The following SCAI variants were observed in gnomAD, a reference collection of about 807,000 sequenced individuals.
SCAI encodes suppressor of cancer cell invasion.
In SCAI, 24 loss-of-function variants were observed where a neutral mutation model predicts 92.2. The observed-to-expected ratio is 0.26, with a 90% CI of 0.19 to 0.37. The LOEUF is 0.37. Ranked by LOEUF, SCAI falls within the 10% of genes least tolerant of loss-of-function variation. SCAI has a pLI of 1.00. For synonymous variants in SCAI, 261 were observed against 258.6 expected (o/e 1.01, Z -0.09); for missense variants, 450 against 736.2 (o/e 0.61, Z 4.50).
chr9:125,045,187 A>G (rs1833409703), intron 3 of SCAI, among the ~76,000 whole-genome samples: 1 of 151,918 alleles, frequency 6.6e-6, no homozygotes, highest in Non-Finnish European at 1.5e-5. Context: ...ATAACACCCT[A>G]AGGATCCTGT....
rs774919233 is a variant in SCAI at position 125,026,887 on chromosome 9, T to C, written c.437A>G (p.Tyr146Cys). ...HYYLRTSETS[Y>C]LNEAFSFYSA... ...ATAGAAGGAAAAAGCCTCATTCAGA[T>C]AGCTGGTTTCCGATGTGCGTAAGCT... is the stretch of plus-strand genomic sequence containing the variant. The change falls in exon 6 of 18, where the codon TAT becomes TGT. Residue 146 changes from tyrosine (Y) to cysteine (C), a missense_variant. Physicochemically the swap from Tyr to Cys is radical, Grantham distance 194. Around this residue, in one of 3 missense-constraint regions of SCAI, gnomAD observed 360 missense variants for 601.8 expected, o/e 0.60. Coordinates refer to ENST00000336505, the MANE Select transcript of SCAI (RefSeq NM_001144877.3). 2 of 1,606,194 alleles carry C rather than the reference T, an allele frequency of 1.2e-6. No homozygotes were observed. Among genetic ancestry groups the C allele is most frequent in the Non-Finnish European group, 1.7e-6 (2 of 1,173,896 alleles).
At chr9:125,014,363 C>T (rs1229062622) in intron 9 of SCAI, among the ~76,000 whole-genome samples, 1 of 152,190 alleles carries the variant, frequency 6.6e-6, no homozygotes, top group Non-Finnish European at 1.5e-5. Flanking sequence ...GTACAAAAAT[C>T]ACAAGCATTC....
intron 2 of SCAI, among the ~76,000 whole-genome samples, chr9:125,084,125 A>G (rs1455291990): frequency 6.9e-6 from 1 of 144,938 alleles, no homozygotes; most frequent in African/African-American, 2.6e-5. Context: ...CCCCTCACAA[A>G]TTAGTTAATA....
rs1388869763 is a variant in SCAI, at chr9:125,017,536, T to G, written c.861+1263A>C. Among the ~76,000 whole-genome samples, 3 of 152,080 alleles carry G rather than the reference T, an allele frequency of 2.0e-5. No homozygotes were observed. The East Asian group carries it at 5.8e-4, about 29-fold the overall frequency. The stretch of plus-strand genomic sequence containing the variant: ...CAGAAAAATTTAACAATAACAAAAG[T>G]GATTGATAGATGCTAGGATAGGATC... On this transcript the variant is annotated intron_variant, in intron 9 of 17. Coordinates refer to ENST00000336505, the MANE Select transcript of SCAI (RefSeq NM_001144877.3).
intron 9 of SCAI, among the ~76,000 whole-genome samples, chr9:125,014,103 C>T (rs1446389868): frequency 6.6e-6 from 1 of 152,078 alleles, no homozygotes; most frequent in Non-Finnish European, 1.5e-5. Flanking sequence ...GGAAGCATTC[C>T]CTTTGAAAAC....
intron 14 of SCAI, among the ~76,000 whole-genome samples, chr9:124,983,221 CTTCTT>C (rs952877161): frequency 1.3e-5 from 2 of 151,698 alleles, no homozygotes; most frequent in Admixed American, 6.6e-5. Flanking sequence ...TTAAAGATCT[CTTCTT>C]CTCTTCTTCA....
intron 17 of SCAI, among the ~76,000 whole-genome samples, chr9:124,961,390 C>T (rs1051318542): frequency 6.6e-6 from 1 of 152,070 alleles, no homozygotes; most frequent in Non-Finnish European, 1.5e-5. Flanking sequence ...TGGCTCATCC[C>T]TGTAATCCTA....
chr9:125,061,515 T>G (rs1358133690), intron 2 of SCAI, among the ~76,000 whole-genome samples: 1 of 152,170 alleles, frequency 6.6e-6, no homozygotes, highest in African/African-American at 2.4e-5. Context: ...ATCCCAACAC[T>G]TTGGAGGCTG....
chr9:125,072,004 A>G (rs1368035012), intron 2 of SCAI, among the ~76,000 whole-genome samples: 1 of 151,732 alleles, frequency 6.6e-6, no homozygotes, highest in Non-Finnish European at 1.5e-5. Context: ...TAAAGAGGGC[A>G]AGAGACAGGG....
At chr9:125,054,183 C>T (rs188668328) in intron 3 of SCAI, among the ~76,000 whole-genome samples, 1 of 152,280 alleles carries the variant, frequency 6.6e-6, no homozygotes, top group East Asian at 1.9e-4. Flanking sequence ...CCATGTTGCC[C>T]AGGCTGATCT....
At chr9:125,063,777 G>C (rs1833823296) in intron 2 of SCAI, among the ~76,000 whole-genome samples, 1 of 146,954 alleles carries the variant, frequency 6.8e-6, no homozygotes, top group Admixed American at 6.9e-5. Flanking sequence ...TTTTGAGACA[G>C]AGTTTCACTC....
chr9:125,023,113 T>A (rs1159617288), intron 6 of SCAI, among the ~76,000 whole-genome samples: 1 of 152,230 alleles, frequency 6.6e-6, no homozygotes, highest in Non-Finnish European at 1.5e-5. Context: ...ATAATGTCAA[T>A]CAGCCATTGT....
At position 125,002,811 on chromosome 9, in the gene SCAI, T is replaced by C. The variant is rs373549088; in HGVS notation, c.1065+303A>G. Among the ~76,000 whole-genome samples the C allele has an allele frequency of 7.2e-5, 11 of 151,792 alleles. No individual in the cohort carries two copies. In the East Asian group the frequency reaches 1.2e-3, roughly 16 times the overall value. On this transcript the variant is annotated intron_variant, in intron 11 of 17. Transcript: ENST00000336505. ...TTCTGCATTGTTACACCTAAAATCA[T>C]TGAGTAATAAAAAACTGGAGGAAGG...
intron 2 of SCAI, among the ~76,000 whole-genome samples, chr9:125,107,514 C>G (rs2131224017): frequency 6.6e-6 from 1 of 152,260 alleles, no homozygotes; most frequent in East Asian, 1.9e-4. Context: ...GCTTGTAATC[C>G]TAGCTATTCA....
Position 125,108,969 on chromosome 9 carries a change from G to A in SCAI, c.98+33664C>T, listed in dbSNP as rs945297562. The stretch of plus-strand genomic sequence containing the variant: ...GAAATCAGGTTGTTGCTGTGTCTGT[G>A]TAGAAAGAAGTAGACATAGGAGACT... On this transcript the variant is annotated intron_variant, in intron 2 of 17. Coordinates refer to ENST00000336505, the MANE Select transcript of SCAI (RefSeq NM_001144877.3). 2.6e-5 allele frequency among the ~76,000 whole-genome samples: 4 copies of A among 152,234 alleles called. No homozygotes were observed. In the East Asian group the frequency reaches 7.7e-4, roughly 29 times the overall value.
chr9:125,046,414 A>G (rs1306548125), intron 3 of SCAI, among the ~76,000 whole-genome samples: 2 of 141,286 alleles, frequency 1.4e-5, no homozygotes. Flanking sequence ...GCAACCTGGA[A>G]GGAATTGGAG....
intron 14 of SCAI, among the ~76,000 whole-genome samples, chr9:124,990,403 C>T (rs892509321): frequency 6.6e-6 from 1 of 151,972 alleles, no homozygotes; most frequent in Non-Finnish European, 1.5e-5. Flanking sequence ...GCAGGAGAAT[C>T]GCTTGAACCC....
chr9:125,019,771 C>G (rs964658866), intron 7 of SCAI, among the ~76,000 whole-genome samples: 2 of 151,936 alleles, frequency 1.3e-5, no homozygotes, highest in Non-Finnish European at 2.9e-5. Flanking sequence ...TTCTGGTGGC[C>G]TTGTCAAAAC....
chr9:125,059,737 T>C (rs1388917304), intron 2 of SCAI, among the ~76,000 whole-genome samples: 1 of 152,168 alleles, frequency 6.6e-6, no homozygotes, highest in African/African-American at 2.4e-5. Context: ...TACTGGTAAA[T>C]TACTCATAAC....
Sources: gnomAD v4.1 joint callset for allele counts (sites outside exome capture counted in the v4.1 genomes callset) on GRCh38, gnomAD v4.1.1 for gene constraint, gnomAD v4.1.1 regional missense constraint, MANE v1.5 for transcripts, NCBI Gene and HGNC (gene_info 2026-07-23, HGNC 2026-07-21) for gene names.